The following CAGE1 variants were observed in gnomAD, a reference collection of about 807,000 sequenced individuals.
CAGE1 encodes the protein cancer antigen 1.
CAGE1 carries 66 observed loss-of-function variants against 94.9 expected under a neutral mutation model. That is an observed-to-expected ratio of 0.70 (90% confidence interval 0.57 to 0.85). CAGE1 has a LOEUF of 0.85. Ranked by LOEUF, CAGE1 falls within the 40% of genes least tolerant of loss-of-function variation. The pLI, the probability that CAGE1 is intolerant of heterozygous loss-of-function variation, is 0.00. For missense variants in CAGE1, 865 were observed against 950.4 expected, an observed-to-expected ratio of 0.91 and a Z score of 1.18; for synonymous variants, 319 against 321.0, an observed-to-expected ratio of 0.99 and a Z score of 0.07.
At chr6:7,340,008 G>C (rs1422152159) in intron 11 of CAGE1, among the ~76,000 whole-genome samples, 2 of 152,224 alleles carry the variant, frequency 1.3e-5, no homozygotes, top group African/African-American at 4.8e-5. Flanking sequence ...GTTTTCCACA[G>C]TGGTTATACT....
rs1333151879 is a variant in CAGE1, at chr6:7,374,061, T to G, written c.758A>C (p.Glu253Ala). ...CCTCTCCACACCCTCTGCTGTGACT[T>G]CCTTTTCATAACTGACTGACATCTC... ...IPEMSVSYEKEVTAEGVERPE... is the reference protein window; with the variant it reads ...IPEMSVSYEKAVTAEGVERPE... Residue 253 changes from glutamate (E) to alanine (A), a missense_variant, in exon 5 of 14, where the codon GAA becomes GCA. Physicochemically the swap from Glu to Ala is moderately radical, Grantham distance 107. Transcript: ENST00000502583. The G allele has an allele frequency of 5.0e-6, 8 of 1,613,892 alleles. No homozygotes were observed. Among genetic ancestry groups the G allele is most frequent in the Non-Finnish European group, 6.8e-6 (8 of 1,179,910 alleles).
At chr6:7,385,399 C>T (rs940696840) in intron 3 of CAGE1, among the ~76,000 whole-genome samples, 3 of 151,970 alleles carry the variant, frequency 2.0e-5, no homozygotes, top group Admixed American at 6.6e-5. Flanking sequence ...GACTTCCTGG[C>T]TCAAGCAATC....
intron 11 of CAGE1, among the ~76,000 whole-genome samples, chr6:7,338,371 G>A (rs2113358590): frequency 6.6e-6 from 1 of 152,310 alleles, no homozygotes; most frequent in East Asian, 1.9e-4. Flanking sequence ...TATAATGTTA[G>A]TAGGCTTTTT....
At chr6:7,328,937 T>A (rs1313974675) in intron 13 of CAGE1, among the ~76,000 whole-genome samples, 136 of 137,514 alleles carry the variant, frequency 9.9e-4, no homozygotes, top group Middle Eastern at 3.9e-3. Flanking sequence ...TATATATATT[T>A]TTTTTTTTTT....
chr6:7,334,965 C>T (rs1758899460), intron 11 of CAGE1, among the ~76,000 whole-genome samples: 1 of 152,120 alleles, frequency 6.6e-6, no homozygotes, highest in African/African-American at 2.4e-5. Context: ...AGAAGCTTCA[C>T]CGGCCTGAAA....
At chr6:7,373,030 C>A in intron 5 of CAGE1, 43 bp downstream of exon 5, 1 of 1,394,330 alleles carries the variant, frequency 7.2e-7, no homozygotes, top group South Asian at 1.4e-5. Flanking sequence ...CCACTAGAAA[C>A]TCTTGAAATT....
At chr6:7,385,434 C>A (rs1761089829) in intron 3 of CAGE1, among the ~76,000 whole-genome samples, 4 of 152,126 alleles carry the variant, frequency 2.6e-5, no homozygotes. Context: ...TTCCAAAGCA[C>A]TGGTATTATA....
chr6:7,335,088 A>C (rs1561846790), intron 11 of CAGE1, among the ~76,000 whole-genome samples: 1 of 152,180 alleles, frequency 6.6e-6, no homozygotes, highest in African/African-American at 2.4e-5. Context: ...TTGGCCCCAC[A>C]TCACACCACC....
At chr6:7,369,509 A>G (rs1020900693) in intron 6 of CAGE1, among the ~76,000 whole-genome samples, 1 of 151,748 alleles carries the variant, frequency 6.6e-6, no homozygotes, top group African/African-American at 2.4e-5. Flanking sequence ...AATGTACACA[A>G]CTCTACACTG....
chr6:7,363,270 A>G (rs1371840862), intron 9 of CAGE1, among the ~76,000 whole-genome samples: 1 of 152,262 alleles, frequency 6.6e-6, no homozygotes, highest in African/African-American at 2.4e-5. Context: ...ATCCGTCTCT[A>G]AAAACAAACA....
chr6:7,381,659 G>C (rs960279562), intron 3 of CAGE1, among the ~76,000 whole-genome samples: 38 of 151,018 alleles, frequency 2.5e-4, no homozygotes, highest in African/African-American at 9.0e-4. Flanking sequence ...CTCCCAAGTA[G>C]CTGGGAATAC....
chr6:7,345,600 A>G (rs1385714319), intron 11 of CAGE1, among the ~76,000 whole-genome samples: 1 of 152,184 alleles, frequency 6.6e-6, no homozygotes, highest in African/African-American at 2.4e-5. Flanking sequence ...CTTTCATAGT[A>G]AACAGCTGTT....
At chr6:7,355,440 T>G (rs1318128498) in intron 10 of CAGE1, among the ~76,000 whole-genome samples, 1 of 152,164 alleles carries the variant, frequency 6.6e-6, no homozygotes, top group Non-Finnish European at 1.5e-5. Context: ...TAAGGTAAAC[T>G]GGAACACTAA....
chr6:7,344,648 C>T (rs1222319733), intron 11 of CAGE1, among the ~76,000 whole-genome samples: 2 of 152,230 alleles, frequency 1.3e-5, no homozygotes, highest in African/African-American at 4.8e-5. Context: ...AGCCCCGGTG[C>T]CGGATCCACT....
chr6:7,353,290 G>C (rs769403628), intron 11 of CAGE1, among the ~76,000 whole-genome samples: 2 of 152,142 alleles, frequency 1.3e-5, no homozygotes, highest in Non-Finnish European at 2.9e-5. Flanking sequence ...ATGACAAAAT[G>C]CTCAACATCA....
At chr6:7,345,578 T>G (rs1238761152) in intron 11 of CAGE1, among the ~76,000 whole-genome samples, 3 of 152,140 alleles carry the variant, frequency 2.0e-5, no homozygotes, top group African/African-American at 7.2e-5. Context: ...AGAAAAACAA[T>G]GTCACTAATA....
chr6:7,356,185 A>G (rs1471336685), intron 9 of CAGE1, 56 bp from the exon 10 acceptor site: 3 of 902,956 alleles, frequency 3.3e-6, no homozygotes, highest in Non-Finnish European at 5.3e-6. Flanking sequence ...AAAGCTATAT[A>G]TGGATGCCAA....
chr6:7,368,995 A>AT lies in CAGE1; in HGVS notation c.1894-198dup, dbSNP rs536947899. On this transcript the variant is annotated intron_variant, in intron 6 of 13. Coordinates refer to ENST00000502583, the MANE Select transcript of CAGE1 (RefSeq NM_001170692.2). ...TAAAGGGTTAGTACAGAAAGATTTC[A>AT]TTTTTTTTATTTTAATTTTTTTTTT... 1.1e-3 allele frequency among the ~76,000 whole-genome samples: 160 copies of AT among 145,360 alleles called. 1 individual carries two copies. Among genetic ancestry groups the AT allele is most frequent in the African/African-American group, 3.8e-3 (151 of 39,702 alleles).
intron 12 of CAGE1, among the ~76,000 whole-genome samples, chr6:7,330,649 G>A (rs1417659136): frequency 6.6e-6 from 1 of 152,182 alleles, no homozygotes; most frequent in East Asian, 1.9e-4. Flanking sequence ...GTAAGCTGAA[G>A]CTTGTTTGAG....
Sources: gnomAD v4.1 joint callset for allele counts (sites outside exome capture counted in the v4.1 genomes callset) on GRCh38, gnomAD v4.1.1 for gene constraint, MANE v1.5 for transcripts, NCBI Gene and HGNC (gene_info 2026-07-23, HGNC 2026-07-21) for gene names.